Variants in FMN1 observed in about 807,000 individuals in gnomAD.
The protein encoded by FMN1 is formin-1.
Under a neutral mutation model 132.4 loss-of-function variants are expected in FMN1, and 110 were observed. The observed-to-expected ratio is 0.83, with a 90% CI of 0.71 to 0.97. FMN1 has a LOEUF of 0.97. Ranked by LOEUF, FMN1 falls within the 50% of genes least tolerant of loss-of-function variation. FMN1 has a pLI of 0.00. For missense variants in FMN1, 1,792 were observed against 1,705.3 expected (o/e 1.05, Z -0.90); for synonymous variants, 722 against 651.7 (o/e 1.11, Z -1.64).
intron 9 of FMN1, among the ~76,000 whole-genome samples, chr15:32,952,415 CTT>C (rs1439783403): frequency 6.6e-6 from 1 of 152,180 alleles, no homozygotes; most frequent in African/African-American, 2.4e-5. Flanking sequence ...TTATATAAAT[CTT>C]TCTTTGTTAA....
At chr15:32,873,776 C>G (rs1282030271) in intron 16 of FMN1, among the ~76,000 whole-genome samples, 1 of 152,016 alleles carries the variant, frequency 6.6e-6, no homozygotes, top group Non-Finnish European at 1.5e-5. Context: ...ATCTTCAGCC[C>G]TGATGTTAAT....
chr15:32,796,189 C>G (rs2057285518), intron 19 of FMN1, among the ~76,000 whole-genome samples: 1 of 152,188 alleles, frequency 6.6e-6, no homozygotes, highest in Non-Finnish European at 1.5e-5. Context: ...TATTCACCAC[C>G]ACCTAAAATT....
intron 4 of FMN1, among the ~76,000 whole-genome samples, chr15:33,137,787 G>A (rs564712552): frequency 2.0e-4 from 30 of 152,264 alleles, no homozygotes; most frequent in African/African-American, 7.0e-4. Flanking sequence ...CCACCATACA[G>A]CTTGCCCAAC....
intron 15 of FMN1, among the ~76,000 whole-genome samples, chr15:32,891,041 T>C (rs762631860): frequency 2.0e-5 from 3 of 152,206 alleles, no homozygotes; most frequent in Non-Finnish European, 4.4e-5. Context: ...GAAGATCAGT[T>C]GGCTGTAAGT....
chr15:33,169,833 T>C (rs1965250901), intron 3 of FMN1, among the ~76,000 whole-genome samples: 1 of 147,102 alleles, frequency 6.8e-6, no homozygotes, highest in South Asian at 2.2e-4. Context: ...ATGAGGCCAC[T>C]ATTGAGCATA....
intron 7 of FMN1, among the ~76,000 whole-genome samples, chr15:32,992,612 T>C (rs2033504423): frequency 6.6e-6 from 1 of 152,172 alleles, no homozygotes; most frequent in Non-Finnish European, 1.5e-5. Context: ...AGACATATGT[T>C]TAACAAAAAG....
At chr15:33,073,234 G>A (rs1566891376) in intron 5 of FMN1, among the ~76,000 whole-genome samples, 2 of 152,160 alleles carry the variant, frequency 1.3e-5, no homozygotes, top group African/African-American at 2.4e-5. Context: ...AAACAGGATC[G>A]CATCTCACTG....
At chr15:33,101,792 G>A (rs1259561201) in intron 4 of FMN1, among the ~76,000 whole-genome samples, 1 of 152,032 alleles carries the variant, frequency 6.6e-6, no homozygotes, top group Non-Finnish European at 1.5e-5. Flanking sequence ...ATACAGAATA[G>A]AACCCAAATT....
intron 6 of FMN1, among the ~76,000 whole-genome samples, chr15:33,053,345 C>G (rs1288663990): frequency 6.6e-6 from 1 of 152,226 alleles, no homozygotes; most frequent in Non-Finnish European, 1.5e-5. Context: ...AGGTAACATG[C>G]CTGGTCTGGC....
intron 17 of FMN1, among the ~76,000 whole-genome samples, chr15:32,843,193 C>A (rs537889891): frequency 3.2e-4 from 46 of 143,946 alleles, no homozygotes; most frequent in Non-Finnish European, 5.0e-4. Context: ...TTGTGCAATT[C>A]TAAAGCCAGC....
chr15:32,952,006 C>A (rs1032771728), intron 9 of FMN1, among the ~76,000 whole-genome samples: 2 of 152,204 alleles, frequency 1.3e-5, no homozygotes, highest in Non-Finnish European at 2.9e-5. Context: ...ACGCCCAGAT[C>A]TCAGCTTGAT....
At chr15:32,910,567 G>T in intron 10 of FMN1, 32 bp from the exon 11 acceptor site, 1 of 1,520,576 alleles carries the variant, frequency 6.6e-7, no homozygotes, top group South Asian at 1.2e-5. Context: ...AAGAGGATAA[G>T]GGATTTGATT....
chr15:33,033,717 A>G lies in FMN1; in HGVS notation c.2162-25642T>C, dbSNP rs79477761. 9.3e-4 allele frequency among the ~76,000 whole-genome samples: 140 copies of G among 151,106 alleles called. 3 individuals are homozygous for G. The East Asian group carries it at 0.025, about 27-fold the overall frequency. ...AGCAAAATCTCTCAAAGTCACCTAC[A>G]TACTGTCTCCAATTATCATTCTCTT... On this transcript the variant is annotated intron_variant, in intron 6 of 20. Transcript: ENST00000616417.
In FMN1 at chr15:33,000,265, C is replaced by T. The variant is rs532727225; in HGVS notation, c.2223+7749G>A. Among the ~76,000 whole-genome samples, 32 of 152,006 alleles carry T rather than the reference C, an allele frequency of 2.1e-4. No individual in the cohort carries two copies. The South Asian group carries it at 4.6e-3, about 22-fold the overall frequency. ...GAGATCAAGACTATGCCGGCTAACA[C>T]GGTGAAATCCCGTCTCTACTAAACA... On this transcript the variant is annotated intron_variant, in intron 7 of 20. Coordinates refer to ENST00000616417, the MANE Select transcript of FMN1 (RefSeq NM_001277313.2).
At chr15:32,937,994 G>C (rs780535711) in intron 9 of FMN1, among the ~76,000 whole-genome samples, 1 of 152,182 alleles carries the variant, frequency 6.6e-6, no homozygotes, top group Non-Finnish European at 1.5e-5. Context: ...AGATTGGTTA[G>C]AAATTGGGCT....
In FMN1 at chr15:32,768,009, A is replaced by G. The variant is rs540430357; in HGVS notation, c.*6301T>C. The G allele has an allele frequency of 1.1e-4, 16 of 152,360 alleles. No individual in the cohort carries two copies. The highest frequency in any genetic ancestry group is 3.6e-4 in the African/African-American group (15 of 41,584). The allele number at this position is 152,360 out of a possible 1,614,324, so 9.4% of individuals were successfully genotyped here. ...TTAGCATGAAGCGAGGAAAAAGGAG[A>G]TATTTATAATTCACAAAAACATCTA... On this transcript the variant is annotated 3_prime_UTR_variant, in exon 21 of 21. Coordinates refer to ENST00000616417, the MANE Select transcript of FMN1 (RefSeq NM_001277313.2).
chr15:32,891,991 T>C (rs547005994), intron 15 of FMN1, among the ~76,000 whole-genome samples: 1 of 152,156 alleles, frequency 6.6e-6, no homozygotes, highest in Non-Finnish European at 1.5e-5. Flanking sequence ...AACAATCATA[T>C]CATCAGCAAA....
chr15:33,089,377 A>G (rs1267959160), intron 4 of FMN1, among the ~76,000 whole-genome samples: 1 of 152,192 alleles, frequency 6.6e-6, no homozygotes, highest in East Asian at 1.9e-4. Context: ...CAGGGCAGGA[A>G]CTGTGCCTTG....
At chr15:33,149,954 T>C (rs1444757611) in intron 4 of FMN1, 15 of 984,938 alleles carry the variant, frequency 1.5e-5, no homozygotes, top group Non-Finnish European at 1.8e-5. Context: ...TAACTCTTAA[T>C]AAGTTGACAT....
Sources: allele counts gnomAD v4.1 joint callset (sites outside exome capture counted in the v4.1 genomes callset), GRCh38; gene constraint gnomAD v4.1.1; transcripts MANE v1.5; gene names NCBI Gene and HGNC (gene_info 2026-07-23, HGNC 2026-07-21).